Variants in KCND3 observed in about 807,000 individuals in gnomAD.
KCND3 encodes A-type voltage-gated potassium channel KCND3.
Under a neutral mutation model 51.1 loss-of-function variants are expected in KCND3, and 9 were observed. That is an observed-to-expected ratio of 0.18 (90% CI 0.11 to 0.31). KCND3 has a LOEUF of 0.31. Among genes scored for constraint, KCND3 ranks in the 10% least tolerant of loss-of-function variants. The probability of loss-of-function intolerance (pLI) is 1.00; values close to 1 mark genes in which losing one functional copy is unlikely to be tolerated. For missense variants in KCND3, 526 were observed against 903.8 expected, an observed-to-expected ratio of 0.58 and a Z score of 5.36; for synonymous variants, 349 against 368.0, an observed-to-expected ratio of 0.95 and a Z score of 0.59.
chr1:111,897,976 GTCTC>G (rs1186975687), intron 2 of KCND3, among the ~76,000 whole-genome samples: 2 of 152,058 alleles, frequency 1.3e-5, no homozygotes, highest in East Asian at 1.9e-4. Flanking sequence ...CATAAACACG[GTCTC>G]TCTCCCTCTC....
chr1:111,988,409 T>C (rs1305703405), intron 1 of KCND3, among the ~76,000 whole-genome samples: 1 of 152,160 alleles, frequency 6.6e-6, no homozygotes, highest in East Asian at 1.9e-4. Flanking sequence ...GGGAACAAGC[T>C]ACTAACCTCT....
intron 2 of KCND3, among the ~76,000 whole-genome samples, chr1:111,796,311 A>G (rs1361171782): frequency 6.6e-6 from 1 of 152,212 alleles, no homozygotes; most frequent in African/African-American, 2.4e-5. Flanking sequence ...CATATCATAA[A>G]GACACATGCA....
chr1:111,825,347 C>T (rs1242434605), intron 2 of KCND3, among the ~76,000 whole-genome samples: 1 of 152,114 alleles, frequency 6.6e-6, no homozygotes, highest in Non-Finnish European at 1.5e-5. Context: ...TTCTTAAATG[C>T]CGCACATACT....
intron 2 of KCND3, among the ~76,000 whole-genome samples, chr1:111,913,014 A>C (rs950381402): frequency 6.6e-6 from 1 of 152,212 alleles, no homozygotes; most frequent in Non-Finnish European, 1.5e-5. Context: ...TCAGGCCTTC[A>C]TATTCACTCA....
In KCND3 at chr1:111,845,276, C is replaced by T. The variant is rs2101650538; in HGVS notation, c.1107-58170G>A. On this transcript the variant is annotated intron_variant, in intron 2 of 7. Transcript: ENST00000302127. ...CAATTCTCTCCTGGTTTTTCTCCTG[C>T]CTTTCTGAGCACACCTCACATTTCT... is the stretch of plus-strand genomic sequence containing the variant. 2.0e-5 allele frequency among the ~76,000 whole-genome samples: 3 copies of T among 152,268 alleles called. No individual in the cohort carries two copies. The South Asian group carries it at 6.2e-4, about 32-fold the overall frequency.
At chr1:111,844,277 T>A (rs946815476) in intron 2 of KCND3, among the ~76,000 whole-genome samples, 1 of 152,202 alleles carries the variant, frequency 6.6e-6, no homozygotes, top group South Asian at 2.1e-4. Flanking sequence ...GAAGCTCACT[T>A]TTCCAGGAGG....
intron 2 of KCND3, among the ~76,000 whole-genome samples, chr1:111,952,171 G>C (rs1167046700): frequency 6.6e-6 from 1 of 152,188 alleles, no homozygotes; most frequent in Non-Finnish European, 1.5e-5. Context: ...TAGGGGGTCG[G>C]GAGTCACATT....
At chr1:111,926,448 G>A (rs1395051120) in intron 2 of KCND3, among the ~76,000 whole-genome samples, 1 of 152,258 alleles carries the variant, frequency 6.6e-6, no homozygotes, top group African/African-American at 2.4e-5. Flanking sequence ...ATGGGAACTG[G>A]CAGGCCTGGG....
At chr1:111,977,359 A>T (rs1208729841) in intron 2 of KCND3, among the ~76,000 whole-genome samples, 2 of 152,234 alleles carry the variant, frequency 1.3e-5, no homozygotes, top group Non-Finnish European at 2.9e-5. Flanking sequence ...CGCCTCTTCG[A>T]ACCTCAGGCA....
At chr1:111,814,468 C>T (rs2101581937) in intron 2 of KCND3, among the ~76,000 whole-genome samples, 1 of 152,304 alleles carries the variant, frequency 6.6e-6, no homozygotes, top group East Asian at 1.9e-4. Context: ...CTGGGTGTAT[C>T]CTGAGGCCTG....
In KCND3 at chr1:111,918,091, C is replaced by A. The variant is rs28522288; in HGVS notation, c.1106+63530G>T. On this transcript the variant is annotated intron_variant, in intron 2 of 7. Coordinates refer to ENST00000302127, the MANE Select transcript of KCND3 (RefSeq NM_001378969.1). ...AAAATACCCAAATCCAATTGTGGCA[C>A]ATAATAAGTGCTCAGTAAATGTTTA... Among the ~76,000 whole-genome samples, 207 of 152,322 alleles carry A rather than the reference C, an allele frequency of 1.4e-3. 1 individual carries two copies. Among genetic ancestry groups the A allele is most frequent in the African/African-American group, 4.8e-3 (198 of 41,562 alleles).
intron 2 of KCND3, among the ~76,000 whole-genome samples, chr1:111,811,251 T>C (rs1490197983): frequency 6.6e-6 from 1 of 152,154 alleles, no homozygotes; most frequent in Non-Finnish European, 1.5e-5. Flanking sequence ...GCTTACTGAG[T>C]GGGGCAACAG....
intron 2 of KCND3, among the ~76,000 whole-genome samples, chr1:111,789,404 C>T (rs949177180): frequency 4.6e-5 from 7 of 152,118 alleles, no homozygotes; most frequent in African/African-American, 9.7e-5. Context: ...AAGTAGGAGA[C>T]GGGAGAGCAG....
At chr1:111,873,155 C>T (rs1005261649) in intron 2 of KCND3, among the ~76,000 whole-genome samples, 5 of 152,206 alleles carry the variant, frequency 3.3e-5, no homozygotes, top group East Asian at 1.9e-4. Context: ...GCCACCTACC[C>T]GACATTGTTC....
intron 2 of KCND3, among the ~76,000 whole-genome samples, chr1:111,807,948 A>G (rs1045568493): frequency 6.6e-6 from 1 of 152,236 alleles, no homozygotes; most frequent in Non-Finnish European, 1.5e-5. Context: ...ACATTTTCTT[A>G]AGAAATGGGA....
intron 2 of KCND3, among the ~76,000 whole-genome samples, chr1:111,809,849 G>C (rs1357384965): frequency 6.6e-6 from 1 of 152,200 alleles, no homozygotes; most frequent in Non-Finnish European, 1.5e-5. Flanking sequence ...GTGTTCATCA[G>C]CTCCAGGGAG....
At chr1:111,811,203 C>T (rs1477760469) in intron 2 of KCND3, among the ~76,000 whole-genome samples, 1 of 152,160 alleles carries the variant, frequency 6.6e-6, no homozygotes, top group African/African-American at 2.4e-5. Flanking sequence ...GCTTTACTTT[C>T]CTCATCTGCT....
At chr1:111,821,898 G>A (rs1414896214) in intron 2 of KCND3, among the ~76,000 whole-genome samples, 3 of 152,102 alleles carry the variant, frequency 2.0e-5, no homozygotes, top group Non-Finnish European at 4.4e-5. Context: ...GAAGATGCGG[G>A]GTTCATCTCC....
At chr1:111,789,273 A>G (rs551823222) in intron 2 of KCND3, among the ~76,000 whole-genome samples, 1 of 152,390 alleles carries the variant, frequency 6.6e-6, no homozygotes, top group East Asian at 1.9e-4. Context: ...TGCTAGTGAC[A>G]GATGACAGTG....
Sources: gnomAD v4.1 joint callset for allele counts (sites outside exome capture counted in the v4.1 genomes callset) on GRCh38, gnomAD v4.1.1 for gene constraint, MANE v1.5 for transcripts, NCBI Gene and HGNC (gene_info 2026-07-23, HGNC 2026-07-21) for gene names.